GYS2: variants seen among roughly 807,000 people sequenced by gnomAD.
GYS2 encodes the protein glycogen [starch] synthase, liver.
Under a neutral mutation model 85.6 loss-of-function variants are expected in GYS2, and 80 were observed. That is an observed-to-expected ratio of 0.93 (90% CI 0.78 to 1.13). The LOEUF is 1.13. GYS2 is among the 50% of genes most tolerant of loss of function. The pLI, the probability that GYS2 is intolerant of heterozygous loss-of-function variation, is 0.00. For missense variants in GYS2, 881 were observed against 854.9 expected (o/e 1.03, Z -0.38); for synonymous variants, 328 against 300.7 (o/e 1.09, Z -0.94).
chr12:21,565,967 G>C (rs1324562271), intron 5 of GYS2, among the ~76,000 whole-genome samples: 1 of 152,050 alleles, frequency 6.6e-6, no homozygotes, highest in Non-Finnish European at 1.5e-5. Context: ...AAGGGAAAAT[G>C]ACAAATTTTT....
At chr12:21,582,668 GA>G (rs1251935377) in intron 1 of GYS2, among the ~76,000 whole-genome samples, 3 of 151,766 alleles carry the variant, frequency 2.0e-5, no homozygotes, top group African/African-American at 7.3e-5. Context: ...TTTCTCTGTA[GA>G]ACCCTAATAC....
chr12:21,540,461 C>T lies in GYS2; in HGVS notation c.1758G>A (p.Arg586=). The part of the protein sequence containing the change: ...KQSRRQRIIQ[R]NRTERLSDLL... ...GATCTGAGAGCCTCTCAGTTCTGTTCCTCTGGATAATCCTTTGGCGGCGTG... is the reference window on the plus strand; with the variant it reads ...GATCTGAGAGCCTCTCAGTTCTGTTTCTCTGGATAATCCTTTGGCGGCGTG... The change falls in exon 14 of 16, where the codon AGG becomes AGA. Residue 586 remains arginine (R), a synonymous_variant. Coordinates refer to ENST00000261195, the MANE Select transcript of GYS2 (RefSeq NM_021957.4). 1 of 1,614,054 alleles carries T rather than the reference C, an allele frequency of 6.2e-7. No individual in the cohort carries two copies. Among genetic ancestry groups the T allele is most frequent in the Non-Finnish European group, 8.5e-7 (1 of 1,179,976 alleles).
chr12:21,565,479 T>A (rs1430078911), intron 5 of GYS2, among the ~76,000 whole-genome samples: 1 of 146,174 alleles, frequency 6.8e-6, no homozygotes, highest in African/African-American at 2.5e-5. Flanking sequence ...TTAGGTTATT[T>A]GTATGTAATG....
chr12:21,573,909 C>G (rs1944414113), intron 4 of GYS2, among the ~76,000 whole-genome samples: 1 of 152,182 alleles, frequency 6.6e-6, no homozygotes, highest in Non-Finnish European at 1.5e-5. Context: ...AACTATTGTT[C>G]CAAAGTGGGA....
chr12:21,568,685 T>C (rs997439548), intron 5 of GYS2, among the ~76,000 whole-genome samples, 180 bp downstream of exon 5: 3 of 152,194 alleles, frequency 2.0e-5, no homozygotes, highest in African/African-American at 4.8e-5. Flanking sequence ...GTTCCAGATA[T>C]AGCTTTGAGT....
chr12:21,566,593 A>G (rs1324578798), intron 5 of GYS2, among the ~76,000 whole-genome samples: 1 of 152,170 alleles, frequency 6.6e-6, no homozygotes, highest in East Asian at 1.9e-4. Flanking sequence ...GAAAATCTAG[A>G]CAGTGATCCA....
At chr12:21,562,211 T>C (rs563481063) in intron 7 of GYS2, among the ~76,000 whole-genome samples, 3 of 152,302 alleles carry the variant, frequency 2.0e-5, no homozygotes, top group African/African-American at 7.2e-5. Context: ...TTTTTCCTCC[T>C]TCATGCTTTC....
chr12:21,573,556 A>G (rs1944409483), intron 4 of GYS2, among the ~76,000 whole-genome samples: 1 of 152,206 alleles, frequency 6.6e-6, no homozygotes. Context: ...AAGATGAGCA[A>G]AAATAACTTC....
At chr12:21,537,225 T>A in intron 15 of GYS2, 50 bp from the exon 16 acceptor site, 2 of 1,338,254 alleles carry the variant, frequency 1.5e-6, no homozygotes, top group Non-Finnish European at 2.1e-6. Context: ...TTCTTGGCTT[T>A]CAACGATGTA....
At chr12:21,552,701 G>A (rs914211381) in intron 11 of GYS2, among the ~76,000 whole-genome samples, 4 of 152,104 alleles carry the variant, frequency 2.6e-5, no homozygotes, top group African/African-American at 7.2e-5. Flanking sequence ...CATAAATTAT[G>A]AGACAAACTT....
At chr12:21,603,038 G>A (rs926092871) in intron 1 of GYS2, among the ~76,000 whole-genome samples, 1 of 152,080 alleles carries the variant, frequency 6.6e-6, no homozygotes, top group African/African-American at 2.4e-5. Flanking sequence ...GGATTCACAT[G>A]TGATAGAGAT....
intron 1 of GYS2, among the ~76,000 whole-genome samples, chr12:21,600,655 G>A (rs574549840): frequency 2.0e-5 from 3 of 152,240 alleles, no homozygotes; most frequent in South Asian, 2.1e-4. Flanking sequence ...CCTTCAGGAA[G>A]CTGATGGAAG....
rs1306201290 is a variant in GYS2 at position 21,568,918 on chromosome 12, G to A, written c.770C>T (p.Thr257Met). 3.7e-6 allele frequency: 6 copies of A among 1,613,320 alleles called. No individual in the cohort carries two copies. The highest frequency in any genetic ancestry group is 5.1e-6 in the Non-Finnish European group (6 of 1,179,272). The change falls in exon 5 of 16, where the codon ACG (threonine) becomes ATG (methionine). Residue 257 changes from threonine to methionine, a missense_variant. Coordinates refer to ENST00000261195, the MANE Select transcript of GYS2 (RefSeq NM_021957.4). ...ASVHCAHVFT[T>M]VSEITAIEAE... ...TTCTATTGCTGTTATTTCAGAAACC[G>A]TGGTGAACACGTGAGCGCAATGAAC...
At chr12:21,565,025 A>G (rs1464684268) in intron 5 of GYS2, among the ~76,000 whole-genome samples, 1 of 152,136 alleles carries the variant, frequency 6.6e-6, no homozygotes, top group Non-Finnish European at 1.5e-5. Flanking sequence ...ATACCAGCTT[A>G]TTATGGATTG....
In GYS2 at chr12:21,546,410, C is replaced by G. The variant is rs369595121; in HGVS notation, c.1483G>C (p.Glu495Gln). ...TSPLLPMDYE[E>Q]FVRGCHLGVF... ...CCAAGATGACAACCTCTAACAAACT[C>G]TTCATAGTCCATGGGTAGTAAGGGA... Residue 495 changes from glutamate to glutamine, a missense_variant, in exon 12 of 16, where the codon GAG (glutamate) becomes CAG (glutamine). Physicochemically the swap from Glu to Gln is conservative, Grantham distance 29. Transcript: ENST00000261195. 20 of 1,598,294 alleles carry G rather than the reference C, an allele frequency of 1.3e-5. No individual in the cohort carries two copies. The highest frequency in any genetic ancestry group is 1.5e-5 in the Non-Finnish European group (17 of 1,166,366).
At chr12:21,545,249 C>G (rs2136847731) in intron 12 of GYS2, among the ~76,000 whole-genome samples, 1 of 152,290 alleles carries the variant, frequency 6.6e-6, no homozygotes, top group South Asian at 2.1e-4. Flanking sequence ...TTGAGACCAG[C>G]CTGGCCAACA....
intron 12 of GYS2, among the ~76,000 whole-genome samples, chr12:21,543,620 T>C (rs1944004610): frequency 6.6e-6 from 1 of 152,080 alleles, no homozygotes; most frequent in African/African-American, 2.4e-5. Context: ...ACACATGTGC[T>C]GAACGTGCAG....
intron 2 of GYS2, among the ~76,000 whole-genome samples, chr12:21,579,118 G>A (rs1944478755): frequency 6.6e-6 from 1 of 152,082 alleles, no homozygotes; most frequent in Admixed American, 6.5e-5. Context: ...CCCTGGATCA[G>A]TCCTTTGCTG....
chr12:21,550,133 C>G (rs1386059640), intron 11 of GYS2, among the ~76,000 whole-genome samples: 1 of 152,096 alleles, frequency 6.6e-6, no homozygotes, highest in Non-Finnish European at 1.5e-5. Context: ...TGATTTTTGA[C>G]ACAAGAAGTT....
Sources: gnomAD v4.1 joint callset for allele counts (sites outside exome capture counted in the v4.1 genomes callset) on GRCh38, gnomAD v4.1.1 for gene constraint, MANE v1.5 for transcripts, NCBI Gene and HGNC (gene_info 2026-07-23, HGNC 2026-07-21) for gene names.